Variants in FLRT1 observed in about 807,000 individuals in gnomAD.
FLRT1 encodes the protein fibronectin leucine rich transmembrane protein 1.
Under a neutral mutation model 30.9 loss-of-function variants are expected in FLRT1, and 14 were observed. That is an observed-to-expected ratio of 0.45 (90% CI 0.30 to 0.71). The LOEUF (loss-of-function observed/expected upper bound fraction) is 0.71. Among genes scored for constraint, FLRT1 ranks in the 30% least tolerant of loss-of-function variants. FLRT1 has a pLI of 0.08. For synonymous variants in FLRT1, 368 were observed against 430.4 expected (o/e 0.85, Z 1.80); for missense variants, 737 against 949.2 (o/e 0.78, Z 2.94).
In FLRT1 at chr11:64,082,319, T is replaced by G. The variant is rs1590881688; in HGVS notation, c.-1037-20875T>G. 1.3e-5 allele frequency among the ~76,000 whole-genome samples: 2 copies of G among 149,380 alleles called. No individual in the cohort carries two copies. The highest frequency in any genetic ancestry group is 2.5e-5 in the African/African-American group (1 of 40,318). On this transcript the variant is annotated intron_variant, in intron 1 of 2. Transcript: ENST00000682287. The surrounding 1 kb of genome is among the most constrained non-coding windows in gnomAD (Gnocchi z 4.5). ...CTGAGCAGCCAGCAGAGACGCTGGGTGGAGGATGATCCGGGGGGACCGTGG... is the reference window on the plus strand; with the variant it reads ...CTGAGCAGCCAGCAGAGACGCTGGGGGGAGGATGATCCGGGGGGACCGTGG...
intron 1 of FLRT1, among the ~76,000 whole-genome samples, chr11:64,101,978 G>A (rs970024003): frequency 6.6e-5 from 10 of 152,156 alleles, no homozygotes; most frequent in African/African-American, 1.9e-4. Context: ...TGTGAGCCCC[G>A]TGGGCAGCCA....
chr11:64,087,621 G>A (rs989974356), intron 1 of FLRT1, among the ~76,000 whole-genome samples: 2 of 152,212 alleles, frequency 1.3e-5, no homozygotes, highest in African/African-American at 2.4e-5. Context: ...GGCCTTGCCC[G>A]CGGCCCCAGC....
At chr11:64,066,777 A>C (rs933983956) in intron 1 of FLRT1, among the ~76,000 whole-genome samples, 2 of 152,178 alleles carry the variant, frequency 1.3e-5, no homozygotes, top group African/African-American at 2.4e-5. Flanking sequence ...ACTTAGATCA[A>C]CTTAATCCTA....
chr11:64,096,281 C>T lies in FLRT1; in HGVS notation c.-1037-6913C>T, dbSNP rs904809563. ...GCCAATTTCCTGAAAGAAGAGGTTC[C>T]GGCCTTGGCTGGTGGCGCCAGGTTC... On this transcript the variant is annotated intron_variant, in intron 1 of 2. Coordinates refer to ENST00000682287, the MANE Select transcript of FLRT1 (RefSeq NM_013280.5). The surrounding 1 kb of genome is among the most constrained non-coding windows in gnomAD (Gnocchi z 4.6). Among the ~76,000 whole-genome samples the T allele has an allele frequency of 8.5e-5, 13 of 152,224 alleles. No individual in the cohort carries two copies. The highest frequency in any genetic ancestry group is 1.7e-4 in the African/African-American group (7 of 41,462).
At chr11:64,092,424 A>G (rs1042498884) in intron 1 of FLRT1, among the ~76,000 whole-genome samples, 5 of 152,036 alleles carry the variant, frequency 3.3e-5, no homozygotes, top group African/African-American at 1.2e-4. Flanking sequence ...CTGCCTATGG[A>G]GGGCTGGTGG....
chr11:64,101,897 C>T (rs1199605562), intron 1 of FLRT1, among the ~76,000 whole-genome samples: 1 of 152,182 alleles, frequency 6.6e-6, no homozygotes, highest in Non-Finnish European at 1.5e-5. Flanking sequence ...CCACCCTGTC[C>T]ACCCCATCAG....
chr11:64,062,292 T>C (rs1159981241), intron 1 of FLRT1, among the ~76,000 whole-genome samples: 1 of 152,152 alleles, frequency 6.6e-6, no homozygotes, highest in Non-Finnish European at 1.5e-5. Flanking sequence ...TAAATGCATC[T>C]ATCAGTGAGT....
rs1007291800 is a variant in FLRT1 at position 64,067,901 on chromosome 11, C to T, written c.-1038+31742C>T. Among the ~76,000 whole-genome samples, 4 of 152,050 alleles carry T rather than the reference C, an allele frequency of 2.6e-5. No homozygotes were observed. Among genetic ancestry groups the T allele is most frequent in the Admixed American group, 6.6e-5 (1 of 15,266 alleles). On this transcript the variant is annotated intron_variant, in intron 1 of 2. Coordinates refer to ENST00000682287, the MANE Select transcript of FLRT1 (RefSeq NM_013280.5). The surrounding 1 kb of genome is among the most constrained non-coding windows in gnomAD (Gnocchi z 4.6). ...CTGTCCATTTAGCCAGCGGTTCGCT[C>T]GGCTTTTAGGAGGGGGCTGGCGGTG... is the stretch of plus-strand genomic sequence containing the variant.
intron 1 of FLRT1, among the ~76,000 whole-genome samples, chr11:64,052,270 C>G (rs77098443): frequency 0.01 from 1,596 of 152,156 alleles, 23 homozygotes; most frequent in African/African-American, 0.036. Flanking sequence ...AAAAAAACAA[C>G]TTTTTTTGCT....
intron 1 of FLRT1, among the ~76,000 whole-genome samples, chr11:64,102,844 C>T (rs1489390524): frequency 1.3e-5 from 2 of 151,860 alleles, no homozygotes; most frequent in African/African-American, 4.8e-5. Context: ...CCGAGGTGGG[C>T]GGATCATGAA....
intron 1 of FLRT1, among the ~76,000 whole-genome samples, chr11:64,100,282 A>G (rs1294777768): frequency 1.3e-5 from 2 of 152,230 alleles, no homozygotes; most frequent in Non-Finnish European, 2.9e-5. Flanking sequence ...GAGATTGGGC[A>G]CTTGGCTTTC....
At position 64,100,019 on chromosome 11, in the gene FLRT1, C is replaced by T. The variant is rs113823294; in HGVS notation, c.-1037-3175C>T. 3.9e-5 allele frequency among the ~76,000 whole-genome samples: 6 copies of T among 152,252 alleles called. 1 individual carries two copies. The highest frequency in any genetic ancestry group is 1.4e-4 in the African/African-American group (6 of 41,542). On this transcript the variant is annotated intron_variant, in intron 1 of 2. Coordinates refer to ENST00000682287, the MANE Select transcript of FLRT1 (RefSeq NM_013280.5). ...TCTCTTGCGCTGTCTTGGAGTAGTG[C>T]AGCAAGAAGGAAACTGGCCTGGAGT...
chr11:64,071,030 C>A (rs1944099601), intron 1 of FLRT1, among the ~76,000 whole-genome samples: 1 of 152,264 alleles, frequency 6.6e-6, no homozygotes, highest in Middle Eastern at 3.4e-3. Flanking sequence ...CGGCCATACT[C>A]ATCTCTTTAT....
At chr11:64,099,062 G>C (rs767894333) in intron 1 of FLRT1, among the ~76,000 whole-genome samples, 1 of 152,254 alleles carries the variant, frequency 6.6e-6, no homozygotes, top group East Asian at 1.9e-4. Flanking sequence ...AGTGCCAAGG[G>C]TGGGCAGTGG....
chr11:64,061,723 AG>A (rs1943907412), intron 1 of FLRT1, among the ~76,000 whole-genome samples: 1 of 146,952 alleles, frequency 6.8e-6, no homozygotes. Context: ...TTTTTGAGAT[AG>A]GGTCTCACTC....
chr11:64,068,726 C>A (rs1451568926), intron 1 of FLRT1, among the ~76,000 whole-genome samples: 1 of 152,230 alleles, frequency 6.6e-6, no homozygotes, highest in East Asian at 1.9e-4. Flanking sequence ...AGAGAAGCTG[C>A]AGCTGGGACA....
chr11:64,071,449 C>T (rs113395518), intron 1 of FLRT1, among the ~76,000 whole-genome samples: 6 of 152,160 alleles, frequency 3.9e-5, no homozygotes, highest in Admixed American at 1.3e-4. Flanking sequence ...ACTGGTATGG[C>T]CAGGGCTGGG....
chr11:64,111,326 G>A (rs189700993), intron 2 of FLRT1, among the ~76,000 whole-genome samples: 3 of 152,356 alleles, frequency 2.0e-5, no homozygotes, highest in East Asian at 1.9e-4. Flanking sequence ...CCAGCCAGAC[G>A]CTGGGGGCCC....
At chr11:64,055,104 C>T (rs1379180405) in intron 1 of FLRT1, among the ~76,000 whole-genome samples, 1 of 152,306 alleles carries the variant, frequency 6.6e-6, no homozygotes, top group South Asian at 2.1e-4. Flanking sequence ...CCCTCATCAC[C>T]GCCAACCTGT....
Sources: gnomAD v4.1 joint callset for allele counts (sites outside exome capture counted in the v4.1 genomes callset) on GRCh38, gnomAD v4.1.1 for gene constraint, Gnocchi (gnomAD v3.1) non-coding constraint, MANE v1.5 for transcripts, NCBI Gene and HGNC (gene_info 2026-07-23, HGNC 2026-07-21) for gene names.